The following CHL1 variants were observed in gnomAD, a reference collection of about 807,000 sequenced individuals.
The protein encoded by CHL1 is neural cell adhesion molecule L1-like protein.
In CHL1, 96 loss-of-function variants were observed where a neutral mutation model predicts 141.9. That is an observed-to-expected ratio of 0.68 (90% CI 0.57 to 0.80). The LOEUF is 0.80. CHL1 is among the 30% of genes least tolerant of loss of function. The pLI is 0.00. For missense variants in CHL1, 1,820 were observed against 1,457.2 expected, an observed-to-expected ratio of 1.25 and a Z score of -4.05; for synonymous variants, 613 against 502.2, an observed-to-expected ratio of 1.22 and a Z score of -2.95.
At chr3:218,468 T>C (rs1390965831) in intron 1 of CHL1, among the ~76,000 whole-genome samples, 1 of 152,210 alleles carries the variant, frequency 6.6e-6, no homozygotes, top group African/African-American at 2.4e-5. Context: ...GTAGAGAAGA[T>C]GTTACCCACA....
chr3:388,858 G>A (rs768955046), intron 19 of CHL1, among the ~76,000 whole-genome samples: 16 of 152,154 alleles, frequency 1.1e-4, no homozygotes, highest in Non-Finnish European at 1.3e-4. Flanking sequence ...CAAAGAATTC[G>A]TGGCCATATT....
intron 5 of CHL1, among the ~76,000 whole-genome samples, chr3:337,362 T>C (rs1364767196): frequency 2.7e-5 from 1 of 37,302 alleles, no homozygotes. Flanking sequence ...GGCTAATTTT[T>C]TTATATATAT....
chr3:397,151 A>G (rs1708745855), intron 24 of CHL1, among the ~76,000 whole-genome samples: 1 of 152,144 alleles, frequency 6.6e-6, no homozygotes, highest in African/African-American at 2.4e-5. Context: ...TGAATAAATC[A>G]CTTGCTTTAC....
At chr3:271,918 C>A (rs749318179) in intron 2 of CHL1, among the ~76,000 whole-genome samples, 3 of 152,142 alleles carry the variant, frequency 2.0e-5, no homozygotes, top group Admixed American at 6.5e-5. Flanking sequence ...TGTAACATTT[C>A]CATTTGGTAG....
chr3:350,803 T>C lies in CHL1; in HGVS notation c.1033+1260T>C, dbSNP rs3773396. Among the ~76,000 whole-genome samples, 29 of 152,302 alleles carry C rather than the reference T, an allele frequency of 1.9e-4. No individual in the cohort carries two copies. The East Asian group carries it at 2.3e-3, about 12-fold the overall frequency. ...TTTGACTTGACAAAAGCAAAACTTA[T>C]ATAGATATGCATTAACGTCAACATC... On this transcript the variant is annotated intron_variant, in intron 10 of 27. Transcript: ENST00000256509.
At position 380,068 on chromosome 3, in the gene CHL1, G is replaced by A. The variant is rs115187594; in HGVS notation, c.1877-2111G>A. Among the ~76,000 whole-genome samples, 484 of 152,282 alleles carry A rather than the reference G, an allele frequency of 3.2e-3. 2 individuals are homozygous for A. Among genetic ancestry groups the A allele is most frequent in the African/African-American group, 0.011 (470 of 41,550 alleles). ...TTCTAGCTCCATACGATTCTCAGAA[G>A]AGCCAGATTTTAATATCAGATGCAA... On this transcript the variant is annotated intron_variant, in intron 16 of 27. Coordinates refer to ENST00000256509, the MANE Select transcript of CHL1 (RefSeq NM_006614.4).
chr3:255,552 TG>T (rs1694079808), intron 2 of CHL1, among the ~76,000 whole-genome samples: 1 of 152,112 alleles, frequency 6.6e-6, no homozygotes, highest in Non-Finnish European at 1.5e-5. Context: ...GCTGTATGTG[TG>T]GGAAAAAGTC....
At chr3:381,761 T>C (rs1406953069) in intron 16 of CHL1, among the ~76,000 whole-genome samples, 1 of 152,088 alleles carries the variant, frequency 6.6e-6, no homozygotes. Context: ...CAAAAAATGA[T>C]GGTCAGAACT....
chr3:254,253 C>T (rs1426701744), intron 2 of CHL1, among the ~76,000 whole-genome samples: 2 of 152,182 alleles, frequency 1.3e-5, no homozygotes, highest in Non-Finnish European at 2.9e-5. Context: ...TGGACAACTC[C>T]TGCTTCCGAA....
chr3:243,256 T>C (rs1320787803), intron 1 of CHL1, among the ~76,000 whole-genome samples: 6 of 152,194 alleles, frequency 3.9e-5, no homozygotes, highest in African/African-American at 7.2e-5. Context: ...ACACATAGGA[T>C]GCTGGACACA....
chr3:288,597 A>C (rs1353658818), intron 2 of CHL1, among the ~76,000 whole-genome samples: 1 of 152,142 alleles, frequency 6.6e-6, no homozygotes, highest in Non-Finnish European at 1.5e-5. Context: ...TGTTTGTCAC[A>C]GGAGGGGGGC....
At chr3:393,983 G>A (rs878885023) in intron 23 of CHL1, among the ~76,000 whole-genome samples, 7 of 152,090 alleles carry the variant, frequency 4.6e-5, no homozygotes, top group Non-Finnish European at 1.0e-4. Flanking sequence ...ACTAACAGCT[G>A]CACTATCTTG....
intron 4 of CHL1, among the ~76,000 whole-genome samples, chr3:327,651 C>T (rs1271454190): frequency 6.6e-6 from 1 of 151,762 alleles, no homozygotes; most frequent in Non-Finnish European, 1.5e-5. Context: ...GATAATGTAG[C>T]TATAAAAATT....
chr3:336,549 C>G lies in CHL1; in HGVS notation c.386-4245C>G, dbSNP rs189573634. 3.3e-4 allele frequency among the ~76,000 whole-genome samples: 50 copies of G among 152,014 alleles called. 1 individual carries two copies. Among genetic ancestry groups the G allele is most frequent in the Admixed American group, 6.5e-4 (10 of 15,274 alleles). On this transcript the variant is annotated intron_variant, in intron 5 of 27. Coordinates refer to ENST00000256509, the MANE Select transcript of CHL1 (RefSeq NM_006614.4). ...TACCCTGGTGAGGTGTTTGAGGAGCCTAGAGAGATGAATTCAAAGGATTCT... is the reference window on the plus strand; with the variant it reads ...TACCCTGGTGAGGTGTTTGAGGAGCGTAGAGAGATGAATTCAAAGGATTCT...
chr3:393,300 C>A (rs965513223), intron 23 of CHL1, among the ~76,000 whole-genome samples: 5 of 150,402 alleles, frequency 3.3e-5, no homozygotes, highest in Admixed American at 6.6e-5. Flanking sequence ...GAGCTCTTAA[C>A]CTTATATTAG....
intron 1 of CHL1, among the ~76,000 whole-genome samples, chr3:220,424 A>G (rs551794549): frequency 1.3e-5 from 2 of 152,078 alleles, no homozygotes; most frequent in African/African-American, 2.4e-5. Context: ...TGGGTGTCCA[A>G]CCTTTTGACT....
chr3:221,116 C>T (rs1392379555), intron 1 of CHL1, among the ~76,000 whole-genome samples: 1 of 152,166 alleles, frequency 6.6e-6, no homozygotes, highest in Non-Finnish European at 1.5e-5. Context: ...AGTTGTCTCA[C>T]CTTTCCAGAA....
intron 18 of CHL1, among the ~76,000 whole-genome samples, chr3:382,948 T>C (rs1707242955): frequency 6.6e-6 from 1 of 152,216 alleles, no homozygotes; most frequent in Non-Finnish European, 1.5e-5. Context: ...TTTAACCAGA[T>C]ATCATCAAGT....
At chr3:387,661 A>G (rs749416341) in intron 19 of CHL1, among the ~76,000 whole-genome samples, 53 of 152,342 alleles carry the variant, frequency 3.5e-4, no homozygotes, top group East Asian at 7.7e-4. Context: ...GAAGAAAACT[A>G]TCATTCCAGA....
Sources: gnomAD v4.1 joint callset for allele counts (sites outside exome capture counted in the v4.1 genomes callset) on GRCh38, gnomAD v4.1.1 for gene constraint, MANE v1.5 for transcripts, NCBI Gene and HGNC (gene_info 2026-07-23, HGNC 2026-07-21) for gene names.